Variants in PACRG observed in about 807,000 individuals in gnomAD.
PACRG encodes parkin coregulated gene protein.
Under a neutral mutation model 29.7 loss-of-function variants are expected in PACRG, and 29 were observed. That is an observed-to-expected ratio of 0.98 (90% CI 0.73 to 1.33). The LOEUF (loss-of-function observed/expected upper bound fraction) is 1.33, where lower values mean the gene tolerates loss of function less well. PACRG is among the 40% of genes most tolerant of loss of function. PACRG has a pLI of 0.00. For missense variants in PACRG, 279 were observed against 316.2 expected, an observed-to-expected ratio of 0.88 and a Z score of 0.89; for synonymous variants, 116 against 118.7, an observed-to-expected ratio of 0.98 and a Z score of 0.15.
chr6:163,156,365 G>A (rs1316314661), intron 4 of PACRG, among the ~76,000 whole-genome samples: 2 of 152,080 alleles, frequency 1.3e-5, no homozygotes, highest in African/African-American at 4.8e-5. Context: ...CTCCATCCCT[G>A]AGCACCAGAG....
At chr6:163,150,579 C>T (rs937371924) in intron 4 of PACRG, among the ~76,000 whole-genome samples, 1 of 130,960 alleles carries the variant, frequency 7.6e-6, no homozygotes, top group African/African-American at 3.3e-5. Context: ...CCACCTTCTT[C>T]AGAAATCCTT....
At chr6:163,133,296 A>C (rs1816806822) in intron 4 of PACRG, among the ~76,000 whole-genome samples, 1 of 152,214 alleles carries the variant, frequency 6.6e-6, no homozygotes. Flanking sequence ...GGAATCTGGG[A>C]AATGTAGTTC....
chr6:162,744,771 A>T (rs1780860279), intron 1 of PACRG, among the ~76,000 whole-genome samples: 1 of 152,202 alleles, frequency 6.6e-6, no homozygotes, highest in South Asian at 2.1e-4. Context: ...ACTGCTAAAA[A>T]TCAAATGATA....
At chr6:162,858,179 G>T (rs1240584675) in intron 2 of PACRG, among the ~76,000 whole-genome samples, 2 of 152,148 alleles carry the variant, frequency 1.3e-5, no homozygotes, top group African/African-American at 2.4e-5. Flanking sequence ...CTAAACAAAA[G>T]AGTTTTAATT....
chr6:162,747,341 TATATATATATATATATATATATAC>T (rs1403543308), intron 1 of PACRG, among the ~76,000 whole-genome samples: 2 of 68,654 alleles, frequency 2.9e-5, no homozygotes, highest in Non-Finnish European at 4.8e-5. Context: ...TATATATATA[TATATATATATATATATATATATAC>T]ACATACATAT....
At chr6:162,803,295 A>G (rs1332496360) in intron 1 of PACRG, among the ~76,000 whole-genome samples, 4 of 152,190 alleles carry the variant, frequency 2.6e-5, no homozygotes, top group African/African-American at 4.8e-5. Flanking sequence ...GGAGCAGGAT[A>G]TATTTGAGAC....
intron 4 of PACRG, among the ~76,000 whole-genome samples, chr6:163,186,726 G>A (rs1562955059): frequency 6.6e-6 from 1 of 152,162 alleles, no homozygotes; most frequent in Non-Finnish European, 1.5e-5. Flanking sequence ...AAAACATGAG[G>A]CTGTTCCTTT....
At chr6:163,218,499 C>T (rs1781453247) in intron 4 of PACRG, among the ~76,000 whole-genome samples, 1 of 152,202 alleles carries the variant, frequency 6.6e-6, no homozygotes, top group Non-Finnish European at 1.5e-5. Flanking sequence ...GTCCTCAACA[C>T]TGACCCCGTC....
At chr6:162,823,070 T>C (rs1235294834) in intron 2 of PACRG, among the ~76,000 whole-genome samples, 1 of 152,188 alleles carries the variant, frequency 6.6e-6, no homozygotes, top group Non-Finnish European at 1.5e-5. Flanking sequence ...CACAGATAAT[T>C]TTGTGGTATG....
At chr6:163,166,036 T>C in intron 4 of PACRG, 1 of 449,536 alleles carries the variant, frequency 2.2e-6, no homozygotes, top group Non-Finnish European at 4.5e-6. Context: ...CGCCCCGATT[T>C]CATCTAAATC....
intron 2 of PACRG, among the ~76,000 whole-genome samples, chr6:163,027,001 C>T (rs1292081765): frequency 6.6e-6 from 1 of 152,192 alleles, no homozygotes; most frequent in African/African-American, 2.4e-5. Flanking sequence ...TCCATATGAA[C>T]ATGGAAGGAT....
chr6:163,063,421 C>T (rs904991742), intron 3 of PACRG, among the ~76,000 whole-genome samples: 1 of 152,096 alleles, frequency 6.6e-6, no homozygotes, highest in African/African-American at 2.4e-5. Flanking sequence ...GGTTGGGGAA[C>T]CCCACCCTCA....
chr6:163,148,167 C>T (rs1407040996), intron 4 of PACRG, among the ~76,000 whole-genome samples: 2 of 152,138 alleles, frequency 1.3e-5, no homozygotes, highest in African/African-American at 2.4e-5. Context: ...CCAGATTTTT[C>T]TTTAATGCTG....
chr6:163,092,499 A>C (rs571594101), intron 4 of PACRG, among the ~76,000 whole-genome samples: 38 of 152,358 alleles, frequency 2.5e-4, no homozygotes, highest in African/African-American at 7.7e-4. Flanking sequence ...TTGTGTGTTC[A>C]TAATATTTTT....
chr6:162,748,653 A>G (rs920739412), intron 1 of PACRG, among the ~76,000 whole-genome samples: 3 of 152,296 alleles, frequency 2.0e-5, no homozygotes, highest in Admixed American at 6.5e-5. Context: ...GTTAACAGGT[A>G]AAGTATAGAA....
chr6:163,190,196 G>A (rs1191141140), intron 4 of PACRG: 1 of 152,162 alleles, frequency 6.6e-6, no homozygotes, highest in Admixed American at 6.5e-5. Flanking sequence ...GACTCATTAG[G>A]ACCCCATTAA....
At chr6:162,935,263 G>A (rs1166123784) in intron 2 of PACRG, among the ~76,000 whole-genome samples, 4 of 151,896 alleles carry the variant, frequency 2.6e-5, no homozygotes, top group African/African-American at 4.8e-5. Flanking sequence ...CTATTATTTC[G>A]TTAAATAAAT....
chr6:163,169,395 G>T (rs1778960844), intron 4 of PACRG, among the ~76,000 whole-genome samples: 1 of 152,200 alleles, frequency 6.6e-6, no homozygotes, highest in South Asian at 2.1e-4. Flanking sequence ...ATCCATGTCT[G>T]ATTTTCCAAA....
intron 1 of PACRG, among the ~76,000 whole-genome samples, chr6:162,760,145 T>G (rs1782232192): frequency 6.6e-6 from 1 of 152,168 alleles, no homozygotes. Flanking sequence ...CTACTCCAAG[T>G]GCGGTGTATG....
Sources: gnomAD v4.1 joint callset for allele counts (sites outside exome capture counted in the v4.1 genomes callset) on GRCh38, gnomAD v4.1.1 for gene constraint, MANE v1.5 for transcripts, NCBI Gene and HGNC (gene_info 2026-07-23, HGNC 2026-07-21) for gene names.